SETX: variants seen among roughly 807,000 people sequenced by gnomAD.
The protein encoded by SETX is helicase senataxin.
A neutral mutation model predicts 227.2 loss-of-function variants in SETX; 90 were observed. That is an observed-to-expected ratio of 0.40 (90% confidence interval 0.33 to 0.47). The LOEUF is 0.47. Ranked by LOEUF, SETX falls within the 20% of genes least tolerant of loss-of-function variation. SETX has a pLI of 0.91. For synonymous variants in SETX, 1,210 were observed against 1,113.2 expected (o/e 1.09, Z -1.73); for missense variants, 3,052 against 3,181.5 (o/e 0.96, Z 0.98).
chr9:132,313,930 G>GT lies in SETX; in HGVS notation c.5275-2075dup, dbSNP rs11313530. Among the ~76,000 whole-genome samples the GT allele has an allele frequency of 4.6e-4, 68 of 148,836 alleles. 1 individual carries two copies. Among genetic ancestry groups the GT allele is most frequent in the Middle Eastern group, 3.4e-3 (1 of 292 alleles). The stretch of plus-strand genomic sequence containing the variant: ...ACAATGTGGCCTTCCAAGTTTTTTG[G>GT]TTTTTTTTTTTGTTTTTTGAGATGC... On this transcript the variant is annotated intron_variant, in intron 10 of 25. Coordinates refer to ENST00000224140, the MANE Select transcript of SETX (RefSeq NM_015046.7).
chr9:132,327,861 T>A lies in SETX; in HGVS notation c.3737A>T (p.His1246Leu). ...ATTCTGTCCTTTTTTGGCATCTGAA[T>A]GAGTTTTCTTAGGGGTCTTAGAAAC... ...VPVSKTPKKT[H>L]SDAKKGQNRS... Residue 1246 changes from histidine to leucine, a missense_variant, in exon 10 of 26, where the codon CAT becomes CTT. This residue lies in a region of SETX where 1,483 missense variants were observed against 1,312.0 expected (regional missense o/e 1.13). Transcript: ENST00000224140. 1 of 1,614,240 alleles carries A rather than the reference T, an allele frequency of 6.2e-7. No homozygotes were observed. Among genetic ancestry groups the A allele is most frequent in the East Asian group, 2.2e-5 (1 of 44,890 alleles).
At chr9:132,355,108 G>A (rs60064758), upstream of SETX, 1,885 of 152,396 alleles carry the variant, frequency 0.012, 41 homozygotes, top group African/African-American at 0.043. Flanking sequence ...TGCCCCCCAG[G>A]GGGCGGGGCA....
chr9:132,282,550 A>G (rs1843604377), intron 19 of SETX, among the ~76,000 whole-genome samples: 2 of 152,094 alleles, frequency 1.3e-5, no homozygotes, highest in Admixed American at 1.3e-4. Context: ...TCAGTCTCCC[A>G]AAGTGCCAGG....
intron 25 of SETX, 143 bp downstream of exon 25, chr9:132,269,472 G>T: frequency 1.3e-6 from 2 of 1,593,132 alleles, no homozygotes; most frequent in Non-Finnish European, 1.7e-6. Context: ...GTACACAAAA[G>T]CTCCTAGGAA....
intron 11 of SETX, among the ~76,000 whole-genome samples, chr9:132,310,602 GCTCA>G (rs1845590385): frequency 6.6e-6 from 1 of 152,166 alleles, no homozygotes; most frequent in Non-Finnish European, 1.5e-5. Flanking sequence ...AATAAAAATG[GCTCA>G]CTGTTACTAA....
At chr9:132,301,088 C>CTTTTTT (rs200657740) in intron 11 of SETX, among the ~76,000 whole-genome samples, 33 of 123,930 alleles carry the variant, frequency 2.7e-4, no homozygotes, top group Non-Finnish European at 3.6e-4. Context: ...GTTTATTCTG[C>CTTTTTT]TTTTTTTTTT....
At chr9:132,280,949 G>C (rs987086759) in intron 20 of SETX, among the ~76,000 whole-genome samples, 1 of 151,974 alleles carries the variant, frequency 6.6e-6, no homozygotes, top group Non-Finnish European at 1.5e-5. Context: ...TGATGTGAAG[G>C]GCACAGACAT....
chr9:132,280,871 G>A (rs960380012), intron 20 of SETX, among the ~76,000 whole-genome samples: 1 of 152,068 alleles, frequency 6.6e-6, no homozygotes, highest in African/African-American at 2.4e-5. Flanking sequence ...ACTACAGTCT[G>A]GTTCTTCTCT....
intron 7 of SETX, among the ~76,000 whole-genome samples, chr9:132,334,098 T>C (rs983367340): frequency 8.5e-5 from 13 of 152,234 alleles, no homozygotes; most frequent in African/African-American, 2.2e-4. Flanking sequence ...TTTTTCATCA[T>C]GAAAAAGTAG....
At position 132,295,990 on chromosome 9, in the gene SETX, G is replaced by C; in HGVS notation, c.5988C>G (p.Ala1996=). The C allele has an allele frequency of 1.2e-6, 2 of 1,614,062 alleles. No homozygotes were observed. Residue 1996 remains alanine (A), a synonymous_variant, in exon 15 of 26, where the codon GCC becomes GCG. Transcript: ENST00000224140. ...CGAGGACACGGTTTTGTTTGATTTT[G>C]GCATTGGAGTTTTCGTCTGAATGCC... ...RKGHSDENSN[A]KIKQNRVLVC...
At chr9:132,345,751 T>A (rs1049808530) in intron 4 of SETX, among the ~76,000 whole-genome samples, 1 of 152,236 alleles carries the variant, frequency 6.6e-6, no homozygotes, top group African/African-American at 2.4e-5. Flanking sequence ...GCATAGTGGC[T>A]CGTGCCTATA....
intron 11 of SETX, among the ~76,000 whole-genome samples, chr9:132,306,628 C>A (rs1380527571): frequency 1.3e-5 from 2 of 152,138 alleles, no homozygotes; most frequent in East Asian, 3.8e-4. Flanking sequence ...TTAAGGCTTG[C>A]TTTTTAAAAT....
At chr9:132,330,775 T>C (rs933922743) in intron 9 of SETX, among the ~76,000 whole-genome samples, 3 of 152,234 alleles carry the variant, frequency 2.0e-5, no homozygotes, top group Non-Finnish European at 4.4e-5. Context: ...GTCCACTAGC[T>C]AGTTTTGATT....
chr9:132,333,832 G>C (rs907562624), intron 7 of SETX, among the ~76,000 whole-genome samples: 2 of 152,226 alleles, frequency 1.3e-5, no homozygotes, highest in African/African-American at 4.8e-5. Flanking sequence ...GTACAGGATA[G>C]AGTACAGGCA....
chr9:132,288,656 T>C lies in SETX; in HGVS notation c.6107-5A>G, dbSNP rs1284217475. 51 of 1,591,288 alleles carry C rather than the reference T, an allele frequency of 3.2e-5. No homozygotes were observed. The highest frequency in any genetic ancestry group is 4.3e-5 in the Non-Finnish European group (50 of 1,159,690). On this transcript the variant is annotated splice_polypyrimidine_tract_variant and splice_region_variant and intron_variant, in intron 15 of 25. Transcript: ENST00000224140. ...AATTTATATCTCCACAGTTTCCTGT[T>C]GATAAGAATCACAGTTAAGGACTAA...
chr9:132,285,664 A>C (rs1260154795), intron 18 of SETX, among the ~76,000 whole-genome samples: 1 of 151,564 alleles, frequency 6.6e-6, no homozygotes, highest in East Asian at 2.0e-4. Flanking sequence ...GGCGGATCAC[A>C]ACGTCATGAG....
intron 1 of SETX, 114 bp from the exon 2 acceptor site, chr9:132,353,869 C>G (rs1848734263): frequency 6.6e-6 from 1 of 152,182 alleles, no homozygotes; most frequent in Non-Finnish European, 1.5e-5. Context: ...TGAGGAAGCC[C>G]AGATAGGTTA....
intron 5 of SETX, among the ~76,000 whole-genome samples, chr9:132,341,643 T>A (rs544069120): frequency 4.2e-4 from 64 of 151,954 alleles, no homozygotes; most frequent in African/African-American, 1.5e-3. Context: ...ACCTGCTTCC[T>A]CCATATGTAA....
At chr9:132,275,197 C>CT (rs1452667449) in intron 23 of SETX, 59 bp downstream of exon 23, 6 of 1,558,950 alleles carry the variant, frequency 3.8e-6, no homozygotes, top group Non-Finnish European at 5.3e-6. Flanking sequence ...TTCTTTCCTT[C>CT]TATATCCTCT....
Sources: allele counts gnomAD v4.1 joint callset (sites outside exome capture counted in the v4.1 genomes callset), GRCh38; gene constraint gnomAD v4.1.1; regional missense constraint gnomAD v4.1.1; transcripts MANE v1.5; gene names NCBI Gene and HGNC (gene_info 2026-07-23, HGNC 2026-07-21).